INTS3: variants seen among roughly 807,000 people sequenced by gnomAD.
The protein encoded by INTS3 is SOSS complex subunit A.
INTS3 carries 34 observed loss-of-function variants against 146.3 expected under a neutral mutation model. The ratio of observed to expected loss-of-function variants is 0.23; its 90% CI spans 0.18 to 0.31. The LOEUF (loss-of-function observed/expected upper bound fraction) is 0.31. Among genes scored for constraint, INTS3 ranks in the 10% least tolerant of loss-of-function variants. The probability of loss-of-function intolerance (pLI) is 1.00; values close to 1 mark genes in which losing one functional copy is unlikely to be tolerated. For missense variants in INTS3, 757 were observed against 1,304.2 expected (o/e 0.58, Z 6.46); for synonymous variants, 475 against 494.9 (o/e 0.96, Z 0.53).
At chr1:153,737,784 C>G (rs1671359215) in intron 1 of INTS3, among the ~76,000 whole-genome samples, 1 of 152,186 alleles carries the variant, frequency 6.6e-6, no homozygotes, top group African/African-American at 2.4e-5. Flanking sequence ...CAGACGTGAG[C>G]CACTGTGCCC....
intron 14 of INTS3, among the ~76,000 whole-genome samples, chr1:153,762,229 A>C (rs1436774785): frequency 6.6e-6 from 1 of 152,218 alleles, no homozygotes; most frequent in Non-Finnish European, 1.5e-5. Flanking sequence ...CGGGTGGATC[A>C]CTTGAGGTCA....
At chr1:153,746,724 T>C in intron 3 of INTS3, 1 of 472,600 alleles carries the variant, frequency 2.1e-6, no homozygotes, top group East Asian at 3.4e-5. Context: ...TTCTGCCTCA[T>C]TAAAGGATAA....
chr1:153,772,525 G>A lies in INTS3; in HGVS notation c.2821+85G>A, dbSNP rs1446387461. The A allele has an allele frequency of 6.2e-7, 1 of 1,611,832 alleles. No homozygotes were observed. Among genetic ancestry groups the A allele is most frequent in the Non-Finnish European group, 8.5e-7 (1 of 1,178,872 alleles). On this transcript the variant is annotated intron_variant, in intron 27 of 29. Transcript: ENST00000318967. This position sits in a 1 kb window ranked among gnomAD's most constrained non-coding sequence, Gnocchi z 4.6. ...TGGAGCCAGGCTGGGGGCAGGGGCA[G>A]GACACCCGGGGCCACAACCCACACT... is the stretch of plus-strand genomic sequence containing the variant.
At chr1:153,731,827 C>T (rs767236615) in intron 1 of INTS3, among the ~76,000 whole-genome samples, 1 of 150,860 alleles carries the variant, frequency 6.6e-6, no homozygotes, top group African/African-American at 2.4e-5. Flanking sequence ...CCTCATGATC[C>T]GCCCACCTCG....
Position 153,767,675 on chromosome 1 carries a change from A to G in INTS3, c.2092A>G (p.Lys698Glu). The change falls in exon 21 of 30, where the codon AAA (lysine) becomes GAA (glutamate). Residue 698 changes from lysine (K) to glutamate (E), a missense_variant and splice_region_variant. Physicochemically the swap from Lys to Glu is moderately conservative, Grantham distance 56. Transcript: ENST00000318967. Reference sequence around the variant, plus strand: ...GCTCAGGCCCAGCTGGTCTTGCAGCAAAGCCGCCGCAGGGAAGATGAACCT... The same window carrying G: ...GCTCAGGCCCAGCTGGTCTTGCAGCGAAGCCGCCGCAGGGAAGATGAACCT... ...YHLLYYLRAS[K>E]AAAGKMNLYE... 1 of 1,580,262 alleles carries G rather than the reference A, an allele frequency of 6.3e-7. No individual in the cohort carries two copies. Among genetic ancestry groups the G allele is most frequent in the Non-Finnish European group, 8.6e-7 (1 of 1,157,570 alleles).
chr1:153,730,318 A>C (rs2101768145), intron 1 of INTS3, among the ~76,000 whole-genome samples: 1 of 152,342 alleles, frequency 6.6e-6, no homozygotes, highest in South Asian at 2.1e-4. Flanking sequence ...GTATTCCCAA[A>C]ACAGGTGAGA....
At position 153,762,745 on chromosome 1, in the gene INTS3, G is replaced by A; in HGVS notation, c.1534G>A (p.Val512Ile). ...CTCCCAAGTCAAAATTGAGGAGCCA[G>A]TTTCCATGGAGATGGACAACCATAT... ...PPVEVKIEEP[V>I]SMEMDNHMSD... Residue 512 changes from valine (V) to isoleucine (I), a missense_variant, in exon 15 of 30, where the codon GTT becomes ATT. Physicochemically the swap from Val to Ile is conservative, Grantham distance 29. Coordinates refer to ENST00000318967, the MANE Select transcript of INTS3 (RefSeq NM_023015.5). The A allele has an allele frequency of 6.2e-7, 1 of 1,614,204 alleles. No homozygotes were observed. Among genetic ancestry groups the A allele is most frequent in the Non-Finnish European group, 8.5e-7 (1 of 1,180,030 alleles).
At position 153,773,273 on chromosome 1, in the gene INTS3, C is replaced by G; in HGVS notation, c.*3C>G. On this transcript the variant is annotated 3_prime_UTR_variant, in exon 30 of 30. Transcript: ENST00000318967. ...CAGTGGGCTCTGACAGTGACTGAGG[C>G]CCTGCATTCCCCATCCCACCCCCGG... The G allele has an allele frequency of 6.2e-7, 1 of 1,613,274 alleles. No homozygotes were observed. Among genetic ancestry groups the G allele is most frequent in the South Asian group, 1.1e-5 (1 of 91,050 alleles).
chr1:153,741,361 C>G lies in INTS3; in HGVS notation c.311C>G (p.Ala104Gly). 3.1e-6 allele frequency: 5 copies of G among 1,612,710 alleles called. No homozygotes were observed. Among genetic ancestry groups the G allele is most frequent in the Non-Finnish European group, 4.2e-6 (5 of 1,178,764 alleles). Reference protein sequence around the residue: ...FTLILTEPAQAQKCYRDLALV... With the variant: ...FTLILTEPAQGQKCYRDLALV... ...CTCATCCTCACTGAACCTGCCCAAG[C>G]CCAGAAGGTAAGGCACCCTGCTCTG... is the stretch of plus-strand genomic sequence containing the variant. Residue 104 changes from alanine to glycine, a missense_variant, in exon 3 of 30, where the codon GCC (alanine) becomes GGC (glycine). Physicochemically the swap from Ala to Gly is moderately conservative, Grantham distance 60. Coordinates refer to ENST00000318967, the MANE Select transcript of INTS3 (RefSeq NM_023015.5).
chr1:153,773,421 GA>G lies in INTS3; in HGVS notation c.*152del, dbSNP rs1672991505. 1.4e-6 allele frequency: 1 copy of G among 733,960 alleles called. No homozygotes were observed. Among genetic ancestry groups the G allele is most frequent in the Admixed American group, 2.5e-5 (1 of 40,232 alleles). The allele number at this position is 733,960 out of a possible 1,614,324, so 45.5% of individuals were successfully genotyped here. ...GAAGGAGGAGCTTTCTCCTCTGGCT[GA>G]GTTTGAGAAGCTGCCATGCAGCCCC... On this transcript the variant is annotated 3_prime_UTR_variant, in exon 30 of 30. Transcript: ENST00000318967.
chr1:153,754,543 C>CTA, intron 8 of INTS3, 99 bp from the exon 9 acceptor site: 1 of 835,190 alleles, frequency 1.2e-6, no homozygotes, highest in Non-Finnish European at 2.1e-6. Context: ...GTGAGCAAGA[C>CTA]TACTGGCCAT....
chr1:153,767,478 G>A (rs1672633758), intron 20 of INTS3, 196 bp from the exon 21 acceptor site: 1 of 482,224 alleles, frequency 2.1e-6, no homozygotes, highest in Non-Finnish European at 3.6e-6. Context: ...GGGGAAGGAT[G>A]GACAGAAAGA....
At chr1:153,762,202 A>G (rs1226034912) in intron 14 of INTS3, among the ~76,000 whole-genome samples, 1 of 152,224 alleles carries the variant, frequency 6.6e-6, no homozygotes, top group Non-Finnish European at 1.5e-5. Context: ...TAATCCCAGT[A>G]CTTTGGGAGG....
intron 1 of INTS3, among the ~76,000 whole-genome samples, chr1:153,729,670 A>G (rs1386304733): frequency 1.3e-5 from 2 of 152,136 alleles, no homozygotes; most frequent in Non-Finnish European, 2.9e-5. Context: ...GATCGAGACC[A>G]TCCTGGCCAA....
At position 153,771,881 on chromosome 1, in the gene INTS3, T is replaced by C; in HGVS notation, c.2638T>C (p.Cys880Arg). The C allele has an allele frequency of 6.2e-7, 1 of 1,614,092 alleles. No homozygotes were observed. Residue 880 changes from cysteine (C) to arginine (R), a missense_variant, in exon 26 of 30, where the codon TGC (cysteine) becomes CGC (arginine). This residue lies in a region of INTS3 where 116 missense variants were observed against 226.5 expected (regional missense o/e 0.51). Transcript: ENST00000318967. The part of the protein sequence containing the change: ...QFTTSILRHW[C>R]MKHDELLAEH... ...CACCACCAGCATCCTGCGGCACTGGTGCATGAAACATGACGAGCTGCTGGC... is the reference window on the plus strand; with the variant it reads ...CACCACCAGCATCCTGCGGCACTGGCGCATGAAACATGACGAGCTGCTGGC...
Position 153,767,932 on chromosome 1 carries a change from A to C in INTS3, c.2244+105A>C, listed in dbSNP as rs1672660138. 7 of 1,159,180 alleles carry C rather than the reference A, an allele frequency of 6.0e-6. No individual in the cohort carries two copies. In the South Asian group the frequency reaches 1.1e-4, roughly 18 times the overall value. 71.8% of individuals were successfully genotyped at this position (1,159,180 alleles called of 1,614,324 possible). A position where few individuals can be genotyped will look rare whatever the true frequency, so the allele number is the denominator to read the frequency against. ...GAACCCTCTTTTGTTCATCCCCACT[A>C]ACCTAGGTGGGCCATTGCTTCCCAC... On this transcript the variant is annotated intron_variant, in intron 21 of 29. Transcript: ENST00000318967.
chr1:153,772,380 G>A lies in INTS3; in HGVS notation c.2761G>A (p.Glu921Lys). The A allele has an allele frequency of 7.4e-6, 12 of 1,614,120 alleles. No homozygotes were observed. The highest frequency in any genetic ancestry group is 8.5e-6 in the Non-Finnish European group (10 of 1,180,024). ...CAGCAAGCTGGCCCAGCTGACTCTG[G>A]AGCAGATCCTGGAGCACTTGGACAA... Reference protein sequence around the residue: ...SSSKLAQLTLEQILEHLDNLR... With the variant: ...SSSKLAQLTLKQILEHLDNLR... Residue 921 changes from glutamate (E) to lysine (K), a missense_variant, in exon 27 of 30, where the codon GAG becomes AAG. This residue lies in a region of INTS3 where 125 missense variants were observed against 165.6 expected (regional missense o/e 0.75). Coordinates refer to ENST00000318967, the MANE Select transcript of INTS3 (RefSeq NM_023015.5). The surrounding 1 kb of genome is among the most constrained non-coding windows in gnomAD (Gnocchi z 4.6).
intron 15 of INTS3, 145 bp from the exon 16 acceptor site, chr1:153,763,088 A>G: frequency 8.8e-7 from 1 of 1,137,266 alleles, no homozygotes; most frequent in Non-Finnish European, 1.3e-6. Flanking sequence ...GTGCACAGTC[A>G]GGGAGATGCT....
At position 153,750,229 on chromosome 1, in the gene INTS3, A is replaced by G. The variant is rs141837061; in HGVS notation, c.585-866A>G. ...TCTTCCTGCAGTTCCCTGCCTTCCA[A>G]CAGGGGGGCCAAAGCCATTACAAAT... On this transcript the variant is annotated intron_variant, in intron 6 of 29. Coordinates refer to ENST00000318967, the MANE Select transcript of INTS3 (RefSeq NM_023015.5). 1.7e-3 allele frequency among the ~76,000 whole-genome samples: 262 copies of G among 152,348 alleles called. 3 individuals are homozygous for G. The highest frequency in any genetic ancestry group is 6.1e-3 in the African/African-American group (253 of 41,582).
Sources: gnomAD v4.1 joint callset for allele counts (sites outside exome capture counted in the v4.1 genomes callset) on GRCh38, gnomAD v4.1.1 for gene constraint, gnomAD v4.1.1 regional missense constraint, Gnocchi (gnomAD v3.1) non-coding constraint, MANE v1.5 for transcripts, NCBI Gene and HGNC (gene_info 2026-07-23, HGNC 2026-07-21) for gene names.